Variants in TUSC3 observed in about 807,000 individuals in gnomAD.
The protein encoded by TUSC3 is dolichyl-diphosphooligosaccharide--protein glycosyltransferase subunit TUSC3.
In TUSC3, 45 loss-of-function variants were observed where a neutral mutation model predicts 44.8. The ratio of observed to expected loss-of-function variants is 1.00; its 90% CI spans 0.79 to 1.29. The LOEUF is 1.29. Ranked by LOEUF, TUSC3 falls within the 50% of genes most tolerant of loss-of-function variation. The probability of loss-of-function intolerance (pLI) is 0.00; values close to 1 mark genes in which losing one functional copy is unlikely to be tolerated. For missense variants in TUSC3, 519 were observed against 437.9 expected (o/e 1.19, Z -1.65); for synonymous variants, 212 against 152.9 (o/e 1.39, Z -2.85).
At chr8:15,795,920 T>C in the TUSC3 span, among the ~76,000 whole-genome samples, 836 of 152,292 alleles carry the variant, frequency 5.5e-3, 10 homozygotes, top group African/African-American at 0.019. Context: ...GGTCAGATGA[T>C]CAAACTCAAA....
intron 2 of TUSC3, among the ~76,000 whole-genome samples, chr8:15,500,433 A>AT (rs1186129442): frequency 3.9e-5 from 6 of 152,288 alleles, no homozygotes; most frequent in Middle Eastern, 3.4e-3. Flanking sequence ...CACCATTGGG[A>AT]TTTTTTAGTC....
intron 9 of TUSC3, among the ~76,000 whole-genome samples, chr8:15,756,102 G>A (rs1286042219): frequency 6.6e-6 from 1 of 152,140 alleles, no homozygotes; most frequent in African/African-American, 2.4e-5. Context: ...ACAGTAATTA[G>A]GAGAAGACCC....
At chr8:15,478,160 A>G (rs1420088298) in intron 1 of TUSC3, among the ~76,000 whole-genome samples, 1 of 151,996 alleles carries the variant, frequency 6.6e-6, no homozygotes, top group African/African-American at 2.4e-5. Context: ...TTTCTACTAA[A>G]AGACCATGTG....
intron 2 of TUSC3, among the ~76,000 whole-genome samples, chr8:15,513,326 T>C (rs1801169080): frequency 6.6e-6 from 1 of 152,274 alleles, no homozygotes; most frequent in Admixed American, 6.5e-5. Flanking sequence ...AAATAATTTT[T>C]TAAATGACCA....
intron 1 of TUSC3, among the ~76,000 whole-genome samples, chr8:15,441,670 A>C (rs1456670320): frequency 6.6e-6 from 1 of 152,176 alleles, no homozygotes; most frequent in African/African-American, 2.4e-5. Context: ...TACCAACAGA[A>C]ATTATTCAAT....
At chr8:15,730,532 G>T (rs1445756638) in intron 6 of TUSC3, 134 bp from the exon 7 acceptor site, 2 of 824,124 alleles carry the variant, frequency 2.4e-6, no homozygotes, top group Non-Finnish European at 3.9e-6. Context: ...AAAATAATTG[G>T]AACTTAGTAG....
the TUSC3 span, among the ~76,000 whole-genome samples, chr8:15,842,083 A>C: frequency 2.6e-5 from 4 of 152,178 alleles, no homozygotes; most frequent in Admixed American, 6.5e-5. Context: ...TATTCCTCAG[A>C]ATAATAAAAT....
chr8:15,513,680 G>C (rs1396436507), intron 2 of TUSC3, among the ~76,000 whole-genome samples: 1 of 152,040 alleles, frequency 6.6e-6, no homozygotes, highest in Non-Finnish European at 1.5e-5. Flanking sequence ...AGTCGTTTTG[G>C]GTAAAGTCTG....
chr8:15,749,463 G>A (rs920482406), intron 9 of TUSC3, among the ~76,000 whole-genome samples: 1 of 151,936 alleles, frequency 6.6e-6, no homozygotes, highest in Middle Eastern at 3.4e-3. Context: ...TGTGGCCAGA[G>A]GTACATTTCC....
At chr8:15,457,238 G>A (rs577996057) in intron 1 of TUSC3, among the ~76,000 whole-genome samples, 4 of 151,832 alleles carry the variant, frequency 2.6e-5, no homozygotes, top group Non-Finnish European at 4.4e-5. Flanking sequence ...AATGGGTGCA[G>A]CACACCAACA....
intron 6 of TUSC3, among the ~76,000 whole-genome samples, chr8:15,683,024 G>C (rs1808488463): frequency 6.6e-6 from 1 of 152,116 alleles, no homozygotes; most frequent in Non-Finnish European, 1.5e-5. Context: ...TACTATGTTA[G>C]CCTGATGAGG....
chr8:15,477,208 C>G (rs1161673779), intron 1 of TUSC3, among the ~76,000 whole-genome samples: 1 of 152,148 alleles, frequency 6.6e-6, no homozygotes, highest in East Asian at 1.9e-4. Flanking sequence ...CCCTATTCTC[C>G]TGCCTCAATT....
chr8:15,774,216 A>G, the TUSC3 span, among the ~76,000 whole-genome samples: 114,930 of 151,392 alleles, frequency 0.76, 43,823 homozygotes, highest in African/African-American at 0.8. Flanking sequence ...TTAAAAATGG[A>G]GTTTAAGCGT....
At position 15,581,273 on chromosome 8, in the gene TUSC3, G is replaced by A. The variant is rs1421814852; in HGVS notation, c.138+40705G>A. Among the ~76,000 whole-genome samples, 42 of 143,012 alleles carry A rather than the reference G, an allele frequency of 2.9e-4. 1 individual carries two copies. The highest frequency in any genetic ancestry group is 8.8e-4 in the African/African-American group (32 of 36,234). The allele number at this position is 143,012 out of a possible 152,430, so 93.8% of individuals were successfully genotyped here. Reference sequence around the variant, plus strand: ...TTGCCTTTGGTTTGAATGTCCTCCCGTAGCTGAGAGTAATTTGATCGTCTG... The same window carrying A: ...TTGCCTTTGGTTTGAATGTCCTCCCATAGCTGAGAGTAATTTGATCGTCTG... On this transcript the variant is annotated intron_variant, in intron 1 of 10. Transcript: ENST00000503731.
chr8:15,627,628 G>T (rs1257546049), intron 2 of TUSC3, among the ~76,000 whole-genome samples: 3 of 152,230 alleles, frequency 2.0e-5, no homozygotes, highest in African/African-American at 7.2e-5. Context: ...CCTTTTTGGG[G>T]CCCTGTGGTT....
At chr8:15,458,655 C>A (rs911301753) in intron 1 of TUSC3, among the ~76,000 whole-genome samples, 1 of 152,198 alleles carries the variant, frequency 6.6e-6, no homozygotes, top group East Asian at 1.9e-4. Flanking sequence ...ATTCTTCCAC[C>A]TGAGATCCAA....
chr8:15,637,996 C>G (rs2129170506), intron 2 of TUSC3, among the ~76,000 whole-genome samples: 1 of 152,276 alleles, frequency 6.6e-6, no homozygotes, highest in East Asian at 1.9e-4. Flanking sequence ...TCCCACTCCC[C>G]ACAAAGTGGT....
chr8:15,736,880 C>T (rs1036423908), intron 7 of TUSC3, among the ~76,000 whole-genome samples: 3 of 152,072 alleles, frequency 2.0e-5, no homozygotes, highest in East Asian at 1.9e-4. Flanking sequence ...ATATAGAACA[C>T]GTGAGTTCTA....
intron 6 of TUSC3, among the ~76,000 whole-genome samples, chr8:15,704,255 G>GTTTTT (rs373598712): frequency 1.5e-5 from 2 of 137,078 alleles, no homozygotes; most frequent in Non-Finnish European, 3.1e-5. Flanking sequence ...ATTCTTAATG[G>GTTTTT]TTTTTTTTTT....
Sources: gnomAD v4.1 joint callset for allele counts (sites outside exome capture counted in the v4.1 genomes callset) on GRCh38, gnomAD v4.1.1 for gene constraint, MANE v1.5 for transcripts, NCBI Gene and HGNC (gene_info 2026-07-23, HGNC 2026-07-21) for gene names.